The following MSI2 variants were observed in gnomAD, a reference collection of about 807,000 sequenced individuals.
The protein encoded by MSI2 is musashi RNA binding protein 2, also known as RNA-binding protein Musashi homolog 2.
Under a neutral mutation model 45.6 loss-of-function variants are expected in MSI2, and 17 were observed. That is an observed-to-expected ratio of 0.37 (90% CI 0.26 to 0.56). The LOEUF (loss-of-function observed/expected upper bound fraction) is 0.56, where lower values mean the gene tolerates loss of function less well. MSI2 is among the 20% of genes least tolerant of loss of function. The pLI is 0.77. For missense variants in MSI2, 293 were observed against 444.2 expected, an observed-to-expected ratio of 0.66 and a Z score of 3.06; for synonymous variants, 156 against 158.2, an observed-to-expected ratio of 0.99 and a Z score of 0.11.
At chr17:57,479,472 C>T (rs2085606785) in intron 6 of MSI2, among the ~76,000 whole-genome samples, 1 of 152,128 alleles carries the variant, frequency 6.6e-6, no homozygotes, top group African/African-American at 2.4e-5. Flanking sequence ...TTTCCCAACC[C>T]TGCTGTGGGT....
chr17:57,574,496 C>A (rs1022712828), intron 7 of MSI2, among the ~76,000 whole-genome samples: 1 of 152,174 alleles, frequency 6.6e-6, no homozygotes, highest in Admixed American at 6.5e-5. Context: ...TCCACAGAGC[C>A]CAGGTCAAGG....
intron 6 of MSI2, among the ~76,000 whole-genome samples, chr17:57,481,163 A>G (rs1236050214): frequency 4.6e-5 from 7 of 152,232 alleles, no homozygotes; most frequent in Non-Finnish European, 1.5e-5. Flanking sequence ...GTGACAAGGT[A>G]TTAAAGCCTG....
Position 57,646,103 on chromosome 17 carries a change from T to G in MSI2, c.728-5996T>G, listed in dbSNP as rs542644165. ...TCAGAGCATCCTGACCATCATCAACTGATGCTCATTGACAGTCTTCTGTGG... is the reference window on the plus strand; with the variant it reads ...TCAGAGCATCCTGACCATCATCAACGGATGCTCATTGACAGTCTTCTGTGG... On this transcript the variant is annotated intron_variant, in intron 10 of 13. Coordinates refer to ENST00000284073, the MANE Select transcript of MSI2 (RefSeq NM_138962.4). Among the ~76,000 whole-genome samples, 9 of 152,312 alleles carry G rather than the reference T, an allele frequency of 5.9e-5. No individual in the cohort carries two copies. The East Asian group carries it at 1.7e-3, about 29-fold the overall frequency.
intron 6 of MSI2, among the ~76,000 whole-genome samples, chr17:57,432,791 C>T (rs907115740): frequency 6.6e-6 from 1 of 152,144 alleles, no homozygotes; most frequent in African/African-American, 2.4e-5. Flanking sequence ...TCGTTGAGAC[C>T]GATGCTTATC....
chr17:57,528,552 G>A (rs1030549421), intron 6 of MSI2, among the ~76,000 whole-genome samples: 3 of 152,298 alleles, frequency 2.0e-5, no homozygotes, highest in Admixed American at 6.5e-5. Context: ...ATAAAGTAAC[G>A]CAGATTGGAG....
At chr17:57,421,765 G>A (rs867278181) in intron 6 of MSI2, among the ~76,000 whole-genome samples, 1 of 152,184 alleles carries the variant, frequency 6.6e-6, no homozygotes, top group Non-Finnish European at 1.5e-5. Flanking sequence ...GCTAAAGCAG[G>A]AGGGTCGCTT....
At chr17:57,607,658 G>A (rs548859687) in intron 8 of MSI2, among the ~76,000 whole-genome samples, 6 of 152,294 alleles carry the variant, frequency 3.9e-5, no homozygotes, top group East Asian at 1.9e-4. Flanking sequence ...CCGTTCTCGC[G>A]TTGCTATAAA....
intron 6 of MSI2, among the ~76,000 whole-genome samples, chr17:57,431,384 TG>T (rs1471757831): frequency 2.6e-5 from 4 of 152,200 alleles, no homozygotes. Flanking sequence ...AGATGTTAAA[TG>T]GGTCGCAGGT....
chr17:57,344,589 C>T (rs1223397301), intron 5 of MSI2, among the ~76,000 whole-genome samples: 5 of 152,190 alleles, frequency 3.3e-5, no homozygotes, highest in Admixed American at 3.3e-4. Context: ...CTCAATGTTA[C>T]TGGAGTGTCT....
At chr17:57,420,877 G>T (rs1237646000) in intron 6 of MSI2, among the ~76,000 whole-genome samples, 5 of 152,232 alleles carry the variant, frequency 3.3e-5, no homozygotes, top group African/African-American at 1.2e-4. Context: ...TAACAAGGCG[G>T]CCTGCAGTTC....
chr17:57,595,289 T>C (rs572450684), intron 7 of MSI2, among the ~76,000 whole-genome samples: 1 of 152,210 alleles, frequency 6.6e-6, no homozygotes, highest in South Asian at 2.1e-4. Flanking sequence ...ATAATTGTGA[T>C]AGAACAGCCA....
At chr17:57,445,128 C>A (rs1290496429) in intron 6 of MSI2, among the ~76,000 whole-genome samples, 3 of 152,074 alleles carry the variant, frequency 2.0e-5, no homozygotes, top group Non-Finnish European at 4.4e-5. Flanking sequence ...ATCAGTTAAA[C>A]CTGCCTGGCT....
chr17:57,434,196 T>C (rs1395083884), intron 6 of MSI2, among the ~76,000 whole-genome samples: 2 of 152,110 alleles, frequency 1.3e-5, no homozygotes, highest in African/African-American at 2.4e-5. Flanking sequence ...GCCTCCTGGG[T>C]CCAAGCAATT....
chr17:57,315,196 A>G (rs1185327321), intron 5 of MSI2, among the ~76,000 whole-genome samples: 1 of 152,222 alleles, frequency 6.6e-6, no homozygotes, highest in Non-Finnish European at 1.5e-5. Context: ...GACCAAGAGC[A>G]GGAGCTCATG....
At chr17:57,366,231 A>G (rs1029464686) in intron 5 of MSI2, among the ~76,000 whole-genome samples, 6 of 152,166 alleles carry the variant, frequency 3.9e-5, no homozygotes, top group Non-Finnish European at 7.4e-5. Context: ...TATTATCCCA[A>G]CTTTTCAGTT....
At chr17:57,440,536 T>C (rs1000459417) in intron 6 of MSI2, among the ~76,000 whole-genome samples, 1 of 150,848 alleles carries the variant, frequency 6.6e-6, no homozygotes, top group African/African-American at 2.4e-5. Context: ...GAGGCTCATA[T>C]ACTGCTGAAG....
chr17:57,485,688 A>G (rs1413477856), intron 6 of MSI2, among the ~76,000 whole-genome samples: 1 of 152,240 alleles, frequency 6.6e-6, no homozygotes, highest in African/African-American at 2.4e-5. Flanking sequence ...TGAGTTCCTC[A>G]GATGAGGTTA....
intron 5 of MSI2, among the ~76,000 whole-genome samples, chr17:57,305,968 A>G (rs769328833): frequency 6.6e-6 from 1 of 152,194 alleles, no homozygotes; most frequent in Non-Finnish European, 1.5e-5. Flanking sequence ...TAAGGTCTGG[A>G]TATACTGATT....
intron 7 of MSI2, among the ~76,000 whole-genome samples, chr17:57,566,816 G>T (rs1050154113): frequency 6.6e-6 from 1 of 152,200 alleles, no homozygotes; most frequent in African/African-American, 2.4e-5. Flanking sequence ...GGAGTGTTCA[G>T]AGGCGCACCA....
Sources: gnomAD v4.1 joint callset for allele counts (sites outside exome capture counted in the v4.1 genomes callset) on GRCh38, gnomAD v4.1.1 for gene constraint, MANE v1.5 for transcripts, NCBI Gene and HGNC (gene_info 2026-07-23, HGNC 2026-07-21) for gene names.